BABAM2: variants seen among roughly 807,000 people sequenced by gnomAD.
The protein encoded by BABAM2 is BRISC and BRCA1 A complex member 2, also known as BRISC and BRCA1-A complex member 2.
A neutral mutation model predicts 54.7 loss-of-function variants in BABAM2; 31 were observed. That is an observed-to-expected ratio of 0.57 (90% CI 0.43 to 0.77). BABAM2 has a LOEUF of 0.77. Ranked by LOEUF, BABAM2 falls within the 30% of genes least tolerant of loss-of-function variation. The probability of loss-of-function intolerance (pLI) is 0.00; values close to 1 mark genes in which losing one functional copy is unlikely to be tolerated. For missense variants in BABAM2, 364 were observed against 455.8 expected, an observed-to-expected ratio of 0.80 and a Z score of 1.83; for synonymous variants, 167 against 162.9, an observed-to-expected ratio of 1.03 and a Z score of -0.19.
At chr2:28,035,358 T>C (rs1388489888) in intron 5 of BABAM2, among the ~76,000 whole-genome samples, 1 of 152,168 alleles carries the variant, frequency 6.6e-6, no homozygotes, top group East Asian at 1.9e-4. Context: ...TTTCCCCTAC[T>C]GGCATGAGGA....
intron 3 of BABAM2, among the ~76,000 whole-genome samples, chr2:27,944,601 C>G (rs1669161662): frequency 6.6e-6 from 1 of 152,020 alleles, no homozygotes; most frequent in Admixed American, 6.5e-5. Flanking sequence ...TATGGCTGTA[C>G]CACAGTTTTT....
chr2:28,298,299 T>C (rs760578895), intron 10 of BABAM2, 39 bp from the exon 11 acceptor site: 17 of 1,602,752 alleles, frequency 1.1e-5, no homozygotes, highest in Non-Finnish European at 1.4e-5. Flanking sequence ...AAGATGTGTT[T>C]ATGCTCTAAC....
At chr2:28,171,654 C>G (rs1356118376) in intron 7 of BABAM2, among the ~76,000 whole-genome samples, 1 of 152,128 alleles carries the variant, frequency 6.6e-6, no homozygotes, top group Non-Finnish European at 1.5e-5. Flanking sequence ...ATGTTTAGTG[C>G]TTTATGCCTG....
At chr2:28,184,097 C>T (rs1675969956) in intron 7 of BABAM2, among the ~76,000 whole-genome samples, 3 of 152,148 alleles carry the variant, frequency 2.0e-5, no homozygotes, top group Admixed American at 6.5e-5. Context: ...CTATTGTTAG[C>T]CTTCTTTTGA....
At chr2:28,040,569 G>A (rs1327112699) in intron 5 of BABAM2, among the ~76,000 whole-genome samples, 2 of 151,876 alleles carry the variant, frequency 1.3e-5, no homozygotes, top group East Asian at 1.9e-4. Context: ...CAAAGTGCTG[G>A]GATTACAGGC....
chr2:28,278,116 A>C (rs370778288), intron 10 of BABAM2, among the ~76,000 whole-genome samples: 1 of 152,230 alleles, frequency 6.6e-6, no homozygotes, highest in Non-Finnish European at 1.5e-5. Flanking sequence ...TTAAGGAAAT[A>C]ATGTGGAGAT....
intron 6 of BABAM2, among the ~76,000 whole-genome samples, chr2:28,076,473 T>TTTAGTTATTTAG (rs541930699): frequency 1.4e-5 from 2 of 146,270 alleles, no homozygotes; most frequent in Non-Finnish European, 3.0e-5. Context: ...TATTTATTTA[T>TTTAGTTATTTAG]TTATTTATTT....
At chr2:28,293,071 A>G (rs952594534) in intron 10 of BABAM2, among the ~76,000 whole-genome samples, 7 of 152,100 alleles carry the variant, frequency 4.6e-5, no homozygotes, top group Non-Finnish European at 8.8e-5. Flanking sequence ...TATTTATTCT[A>G]TTCTTCCTCT....
intron 11 of BABAM2, among the ~76,000 whole-genome samples, chr2:28,317,092 T>C (rs777284574): frequency 3.3e-4 from 50 of 152,172 alleles, no homozygotes; most frequent in Non-Finnish European, 7.1e-4. Flanking sequence ...CTCAGCTTTA[T>C]GCTTTGACCC....
chr2:28,260,616 G>A (rs566131052), intron 10 of BABAM2, among the ~76,000 whole-genome samples: 73 of 152,078 alleles, frequency 4.8e-4, no homozygotes, highest in African/African-American at 1.7e-3. Context: ...TTGTATTTCT[G>A]TATTCAAAAT....
At chr2:28,012,585 A>G (rs1674473902) in intron 4 of BABAM2, among the ~76,000 whole-genome samples, 1 of 152,180 alleles carries the variant, frequency 6.6e-6, no homozygotes, top group African/African-American at 2.4e-5. Flanking sequence ...TAAAGACAAC[A>G]CCTATGGAAG....
intron 7 of BABAM2, among the ~76,000 whole-genome samples, chr2:28,176,980 AG>A (rs922190919): frequency 2.6e-4 from 39 of 152,268 alleles, no homozygotes; most frequent in Middle Eastern, 3.4e-3. Flanking sequence ...GGCATAGAAA[AG>A]CCTGTTTAAT....
At chr2:28,060,667 A>G (rs1464754396) in intron 6 of BABAM2, among the ~76,000 whole-genome samples, 1 of 152,222 alleles carries the variant, frequency 6.6e-6, no homozygotes, top group East Asian at 1.9e-4. Flanking sequence ...CAATATATAA[A>G]ATCAATTATA....
At chr2:28,219,587 A>G (rs1466594973) in intron 7 of BABAM2, among the ~76,000 whole-genome samples, 1 of 151,970 alleles carries the variant, frequency 6.6e-6, no homozygotes, top group African/African-American at 2.4e-5. Flanking sequence ...GGGAGCCATC[A>G]TTCTGCCTAC....
intron 7 of BABAM2, among the ~76,000 whole-genome samples, chr2:28,180,806 A>C (rs1361489323): frequency 1.3e-5 from 2 of 152,194 alleles, no homozygotes; most frequent in African/African-American, 4.8e-5. Flanking sequence ...CAAAGACATG[A>C]ATGTACATTT....
chr2:28,231,656 C>G (rs148432847), intron 7 of BABAM2, among the ~76,000 whole-genome samples: 1 of 151,296 alleles, frequency 6.6e-6, no homozygotes, highest in Non-Finnish European at 1.5e-5. Flanking sequence ...TCTCTGACAA[C>G]GCCTTGTCAT....
chr2:28,031,031 G>T (rs967933502), intron 5 of BABAM2, among the ~76,000 whole-genome samples: 7 of 152,192 alleles, frequency 4.6e-5, no homozygotes, highest in Admixed American at 2.0e-4. Flanking sequence ...TCTTTAAGTA[G>T]ATGATTTGCA....
intron 6 of BABAM2, among the ~76,000 whole-genome samples, chr2:28,117,190 C>T (rs1312404828): frequency 1.3e-5 from 2 of 152,200 alleles, no homozygotes; most frequent in Non-Finnish European, 2.9e-5. Flanking sequence ...CAAAGCTTTC[C>T]TCTGGCAGGT....
At chr2:28,289,397 CAT>C (rs1196878680) in intron 10 of BABAM2, among the ~76,000 whole-genome samples, 1 of 152,202 alleles carries the variant, frequency 6.6e-6, no homozygotes, top group East Asian at 1.9e-4. Context: ...AAGGCATACA[CAT>C]GTGTATAAAG....
Sources: gnomAD v4.1 joint callset for allele counts (sites outside exome capture counted in the v4.1 genomes callset) on GRCh38, gnomAD v4.1.1 for gene constraint, MANE v1.5 for transcripts, NCBI Gene and HGNC (gene_info 2026-07-23, HGNC 2026-07-21) for gene names.